Variants in RALB observed in about 807,000 individuals in gnomAD.
RALB encodes the protein RAS like proto-oncogene B, also known as ras-related protein Ral-B.
In RALB, 16 loss-of-function variants were observed where a neutral mutation model predicts 21.3. The observed-to-expected ratio is 0.75, with a 90% confidence interval of 0.51 to 1.14. The LOEUF (loss-of-function observed/expected upper bound fraction) is 1.14, where lower values mean the gene tolerates loss of function less well. RALB is among the 50% of genes most tolerant of loss of function. The pLI is 0.00. For synonymous variants in RALB, 93 were observed against 96.1 expected (o/e 0.97, Z 0.19); for missense variants, 161 against 256.2 (o/e 0.63, Z 2.54).
chr2:120,254,411 C>A (rs921386940), intron 1 of RALB, among the ~76,000 whole-genome samples: 3 of 152,200 alleles, frequency 2.0e-5, no homozygotes, highest in African/African-American at 7.2e-5. Context: ...GGAAACAGCA[C>A]TCTTATCGGA....
At chr2:120,242,054 A>T (rs913048287) in intron 1 of RALB, among the ~76,000 whole-genome samples, 4 of 152,234 alleles carry the variant, frequency 2.6e-5, no homozygotes, top group Non-Finnish European at 5.9e-5. Context: ...AGAGTGTGGC[A>T]CACGTGATGG....
intron 1 of RALB, among the ~76,000 whole-genome samples, chr2:120,244,170 A>T (rs1558942413): frequency 6.6e-6 from 1 of 152,224 alleles, no homozygotes; most frequent in Non-Finnish European, 1.5e-5. Flanking sequence ...GCAAGGGGGA[A>T]ATCTGCACCC....
At chr2:120,279,511 C>T (rs1689931128) in intron 2 of RALB, among the ~76,000 whole-genome samples, 1 of 152,172 alleles carries the variant, frequency 6.6e-6, no homozygotes, top group Admixed American at 6.5e-5. Flanking sequence ...AATGTAACAA[C>T]TGTTTGCGTA....
chr2:120,292,706 G>A (rs182338196), intron 4 of RALB, among the ~76,000 whole-genome samples: 2 of 152,174 alleles, frequency 1.3e-5, no homozygotes, highest in Admixed American at 1.3e-4. Context: ...TGTAATCCGA[G>A]CACTTGGAAG....
At chr2:120,285,444 CCA>C (rs1690107037) in intron 2 of RALB, among the ~76,000 whole-genome samples, 1 of 152,126 alleles carries the variant, frequency 6.6e-6, no homozygotes, top group South Asian at 2.1e-4. Flanking sequence ...AATAAGAACT[CCA>C]GTTTTTTGAT....
chr2:120,264,552 C>G (rs1689451296), intron 1 of RALB, among the ~76,000 whole-genome samples: 1 of 76,832 alleles, frequency 1.3e-5, no homozygotes, highest in Non-Finnish European at 2.9e-5. Context: ...TTTTCCTGTC[C>G]CACAACTGTA....
At chr2:120,266,913 G>A (rs989269347) in intron 1 of RALB, among the ~76,000 whole-genome samples, 1 of 152,110 alleles carries the variant, frequency 6.6e-6, no homozygotes, top group African/African-American at 2.4e-5. Context: ...GGGAAATCAC[G>A]ACTTTCCCTA....
intron 1 of RALB, among the ~76,000 whole-genome samples, chr2:120,270,584 GAC>G (rs1689637209): frequency 6.7e-6 from 1 of 149,274 alleles, no homozygotes; most frequent in Admixed American, 6.8e-5. Context: ...GGAACAGGGA[GAC>G]ACAACAATGG....
intron 4 of RALB, among the ~76,000 whole-genome samples, chr2:120,292,509 A>G (rs924721846): frequency 6.6e-6 from 1 of 152,158 alleles, no homozygotes; most frequent in Non-Finnish European, 1.5e-5. Context: ...TCATTATGGC[A>G]TTCTTCCCTT....
chr2:120,277,937 G>C (rs1047968575), intron 1 of RALB, among the ~76,000 whole-genome samples: 1 of 80,132 alleles, frequency 1.2e-5, no homozygotes, highest in African/African-American at 6.0e-5. Context: ...GCGTGTGTGA[G>C]CGAGTGTGAA....
At chr2:120,280,267 C>T (rs770459194) in intron 2 of RALB, among the ~76,000 whole-genome samples, 20 of 152,148 alleles carry the variant, frequency 1.3e-4, no homozygotes, top group Middle Eastern at 3.2e-3. Context: ...ATGTTTATTG[C>T]AGCACTATTT....
chr2:120,243,585 C>A (rs991039627), intron 1 of RALB, among the ~76,000 whole-genome samples: 1 of 152,136 alleles, frequency 6.6e-6, no homozygotes. Context: ...AGAGCTGTGT[C>A]TTGGGCCTGC....
At chr2:120,282,806 T>C (rs759252761) in intron 2 of RALB, among the ~76,000 whole-genome samples, 2 of 152,176 alleles carry the variant, frequency 1.3e-5, no homozygotes, top group Non-Finnish European at 2.9e-5. Context: ...GGAGTTCTAA[T>C]CGATTTTCTA....
intron 2 of RALB, among the ~76,000 whole-genome samples, chr2:120,279,761 A>G (rs1393617536): frequency 6.6e-6 from 1 of 152,208 alleles, no homozygotes; most frequent in East Asian, 1.9e-4. Flanking sequence ...CATTGCGGCC[A>G]CATGGCTTTA....
chr2:120,279,930 G>T (rs375777818), intron 2 of RALB, among the ~76,000 whole-genome samples: 2 of 152,216 alleles, frequency 1.3e-5, no homozygotes, highest in African/African-American at 4.8e-5. Context: ...GTTGGGCTGG[G>T]TTAGGTGGGA....
intron 1 of RALB, among the ~76,000 whole-genome samples, chr2:120,254,151 A>G (rs1689134505): frequency 6.6e-6 from 1 of 152,202 alleles, no homozygotes; most frequent in African/African-American, 2.4e-5. Context: ...CCTGGGTTTG[A>G]TGCAGGTTCT....
intron 3 of RALB, among the ~76,000 whole-genome samples, chr2:120,288,322 T>C (rs1415957938): frequency 1.3e-5 from 2 of 151,006 alleles, no homozygotes; most frequent in African/African-American, 4.9e-5. Flanking sequence ...GGCACTTAAA[T>C]TGACTACATG....
chr2:120,288,345 TTTTTTTTTG>T (rs1461259846), intron 3 of RALB, among the ~76,000 whole-genome samples: 4 of 139,948 alleles, frequency 2.9e-5, no homozygotes, highest in Admixed American at 7.1e-5. Context: ...AATTTTAGTT[TTTTTTTTTG>T]TTTTTTTTTT....
intron 2 of RALB, among the ~76,000 whole-genome samples, chr2:120,281,983 G>A (rs1488014505): frequency 3.3e-5 from 5 of 152,176 alleles, no homozygotes; most frequent in East Asian, 1.9e-4. Flanking sequence ...CATCTAGTGC[G>A]TGGAGGCCAA....
Sources: allele counts gnomAD v4.1 joint callset (sites outside exome capture counted in the v4.1 genomes callset), GRCh38; gene constraint gnomAD v4.1.1; transcripts MANE v1.5; gene names NCBI Gene and HGNC (gene_info 2026-07-23, HGNC 2026-07-21).